The following HEATR5B variants were observed in gnomAD, a reference collection of about 807,000 sequenced individuals.
HEATR5B encodes HEAT repeat-containing protein 5B.
HEATR5B carries 156 observed loss-of-function variants against 224.1 expected under a neutral mutation model. That is an observed-to-expected ratio of 0.70 (90% CI 0.61 to 0.80). The LOEUF is 0.80. Among genes scored for constraint, HEATR5B ranks in the 30% least tolerant of loss-of-function variants. HEATR5B has a pLI of 0.00. For missense variants in HEATR5B, 2,323 were observed against 2,535.5 expected (o/e 0.92, Z 1.80); for synonymous variants, 1,027 against 893.0 (o/e 1.15, Z -2.68).
At chr2:36,992,492 G>C (rs1474102966) in intron 33 of HEATR5B, among the ~76,000 whole-genome samples, 1 of 151,560 alleles carries the variant, frequency 6.6e-6, no homozygotes, top group Non-Finnish European at 1.5e-5. Context: ...GAGGCAGGAG[G>C]ATCACTTTAG....
intron 18 of HEATR5B, among the ~76,000 whole-genome samples, chr2:37,048,441 T>C (rs1670337296): frequency 6.6e-6 from 1 of 151,786 alleles, no homozygotes; most frequent in South Asian, 2.1e-4. Flanking sequence ...CACCTCAGGC[T>C]CCCAAAGTGC....
intron 34 of HEATR5B, among the ~76,000 whole-genome samples, chr2:36,990,237 G>T (rs1209365194): frequency 6.6e-6 from 1 of 152,084 alleles, no homozygotes; most frequent in East Asian, 1.9e-4. Flanking sequence ...ACGTGTAGCA[G>T]GCTTGAGAAT....
chr2:37,018,426 C>T (rs1412039768), intron 26 of HEATR5B, among the ~76,000 whole-genome samples: 10 of 152,140 alleles, frequency 6.6e-5, no homozygotes, highest in Non-Finnish European at 7.3e-5. Context: ...ATTACCTAGT[C>T]GAAGGTTTGC....
At chr2:36,991,688 C>T (rs1468792549) in intron 33 of HEATR5B, among the ~76,000 whole-genome samples, 1 of 152,010 alleles carries the variant, frequency 6.6e-6, no homozygotes, top group Non-Finnish European at 1.5e-5. Flanking sequence ...AATACGAGTT[C>T]CAAACATTTT....
chr2:37,053,664 C>A, intron 16 of HEATR5B, 57 bp from the exon 17 acceptor site: 2 of 999,962 alleles, frequency 2.0e-6, no homozygotes, highest in South Asian at 2.9e-5. Flanking sequence ...CAATATGGCT[C>A]AAAAACGGAT....
Position 37,020,852 on chromosome 2 carries a change from G to A in HEATR5B, c.3854-16C>T, listed in dbSNP as rs577490031. 13 of 1,427,942 alleles carry A rather than the reference G, an allele frequency of 9.1e-6. No individual in the cohort carries two copies. In the East Asian group the frequency reaches 3.1e-4, roughly 34 times the overall value. The allele number at this position is 1,427,942 out of a possible 1,614,324, so 88.5% of individuals were successfully genotyped here. ...AAGAGGTCATCTAAAAATAAAAATAGAATGCAAAAATGAAAACTTTTCCAA... is the reference window on the plus strand; with the variant it reads ...AAGAGGTCATCTAAAAATAAAAATAAAATGCAAAAATGAAAACTTTTCCAA... On this transcript the variant is annotated splice_polypyrimidine_tract_variant and intron_variant, in intron 24 of 35. Coordinates refer to ENST00000233099, the MANE Select transcript of HEATR5B (RefSeq NM_019024.3).
chr2:36,981,158 C>A lies in HEATR5B; in HGVS notation c.*332G>T, dbSNP rs1164168274. On this transcript the variant is annotated 3_prime_UTR_variant, in exon 36 of 36. Coordinates refer to ENST00000233099, the MANE Select transcript of HEATR5B (RefSeq NM_019024.3). ...GCTGAGTTCTGACCCATTTTTTTCC[C>A]CTGACAGTATCAATAGGCTGCCCGA... is the stretch of plus-strand genomic sequence containing the variant. The A allele has an allele frequency of 5.4e-6, 1 of 186,068 alleles. No individual in the cohort carries two copies. The highest frequency in any genetic ancestry group is 1.1e-5 in the Non-Finnish European group (1 of 91,580). The allele number at this position is 186,068 out of a possible 1,614,324, so 11.5% of individuals were successfully genotyped here. A position where few individuals can be genotyped will look rare whatever the true frequency, so the allele number is the denominator to read the frequency against.
chr2:37,070,261 A>C lies in HEATR5B; in HGVS notation c.896T>G (p.Val299Gly). The C allele has an allele frequency of 3.7e-6, 6 of 1,614,054 alleles. No homozygotes were observed. The highest frequency in any genetic ancestry group is 4.2e-6 in the Non-Finnish European group (5 of 1,179,984). Residue 299 changes from valine (V) to glycine (G), a missense_variant, in exon 7 of 36, where the codon GTT becomes GGT. Transcript: ENST00000233099. ...AACTCCAACTCTCACTTCACGATTAACGGACCCTCCAACTTTTAACATTTC... is the reference window on the plus strand; with the variant it reads ...AACTCCAACTCTCACTTCACGATTACCGGACCCTCCAACTTTTAACATTTC... The part of the protein sequence containing the change: ...GGEMLKVGGS[V>G]NREVRVGVTQ...
intron 21 of HEATR5B, among the ~76,000 whole-genome samples, chr2:37,037,016 A>G: frequency 6.6e-6 from 1 of 151,436 alleles, no homozygotes; most frequent in Non-Finnish European, 1.5e-5. Context: ...ATGGCTCCTG[A>G]CATATAACAG....
intron 13 of HEATR5B, 122 bp from the exon 14 acceptor site, chr2:37,058,682 T>A: frequency 1.4e-6 from 1 of 730,998 alleles, no homozygotes; most frequent in Non-Finnish European, 2.3e-6. Context: ...TCATTTTAGC[T>A]TATGTTGTGA....
In HEATR5B at chr2:37,003,524, G is replaced by T; in HGVS notation, c.5050+18C>A. The stretch of plus-strand genomic sequence containing the variant: ...AAAATAAGATTTACTTCAAGTTAGT[G>T]TAATTTCTAGTGCTTACTTAGAGTG... On this transcript the variant is annotated intron_variant, in intron 31 of 35. Transcript: ENST00000233099. 4.5e-6 allele frequency: 7 copies of T among 1,540,860 alleles called. No homozygotes were observed. Among genetic ancestry groups the T allele is most frequent in the Non-Finnish European group, 6.2e-6 (7 of 1,128,202 alleles).
intron 18 of HEATR5B, among the ~76,000 whole-genome samples, chr2:37,043,349 C>T (rs535278532): frequency 1.3e-5 from 2 of 152,296 alleles, no homozygotes; most frequent in Non-Finnish European, 2.9e-5. Flanking sequence ...GAGCAAAGGT[C>T]ATGGCAAAAG....
chr2:37,043,642 T>G (rs144076608), intron 18 of HEATR5B, among the ~76,000 whole-genome samples: 1 of 152,338 alleles, frequency 6.6e-6, no homozygotes, highest in Admixed American at 6.5e-5. Flanking sequence ...GGTGCTCATT[T>G]TTCTTCAGTT....
chr2:37,076,866 C>G lies in HEATR5B; in HGVS notation c.447+45G>C, dbSNP rs537209406. ...AACATATTTTAGCTGACATCTAACT[C>G]TTGCCACAAGCAAATATTCAAATAA... On this transcript the variant is annotated intron_variant, in intron 4 of 35. Coordinates refer to ENST00000233099, the MANE Select transcript of HEATR5B (RefSeq NM_019024.3). 14 of 1,430,532 alleles carry G rather than the reference C, an allele frequency of 9.8e-6. 1 individual carries two copies. The highest frequency in any genetic ancestry group is 1.8e-4 in the Middle Eastern group (1 of 5,696). The allele number at this position is 1,430,532 out of a possible 1,614,324, so 88.6% of individuals were successfully genotyped here. A position where few individuals can be genotyped will look rare whatever the true frequency, so the allele number is the denominator to read the frequency against.
Position 37,000,611 on chromosome 2 carries a change from A to T in HEATR5B, c.5520T>A (p.Ala1840=), listed in dbSNP as rs746757673. 1.9e-6 allele frequency: 3 copies of T among 1,614,078 alleles called. No homozygotes were observed. In the South Asian group the frequency reaches 3.3e-5, roughly 18 times the overall value. Reference sequence around the variant, plus strand: ...CTGGTTGAGAATATTCCAGGATGCAAGCAAGCGTGCTACGAATCAGAGCTG... The same window carrying T: ...CTGGTTGAGAATATTCCAGGATGCATGCAAGCGTGCTACGAATCAGAGCTG... ...QWTALIRSTL[A]CILEYSQPED... Residue 1840 remains alanine (A), a synonymous_variant, in exon 33 of 36, where the codon GCT becomes GCA. Coordinates refer to ENST00000233099, the MANE Select transcript of HEATR5B (RefSeq NM_019024.3).
At chr2:36,981,945 TA>T (rs1411870315) in intron 35 of HEATR5B, 151 bp from the exon 36 acceptor site, 4 of 457,258 alleles carry the variant, frequency 8.7e-6, no homozygotes, top group African/African-American at 2.0e-5. Context: ...TAATTAATAT[TA>T]AATATTTACT....
At chr2:37,063,544 T>C (rs2706807) in intron 10 of HEATR5B, among the ~76,000 whole-genome samples, 16,307 of 151,914 alleles carry the variant, frequency 0.11, 1,579 homozygotes, top group African/African-American at 0.26. Context: ...GTGGGGAAGA[T>C]GGAAAGTCTG....
chr2:37,076,355 A>G (rs1467295327), intron 4 of HEATR5B, among the ~76,000 whole-genome samples: 1 of 152,246 alleles, frequency 6.6e-6, no homozygotes, highest in East Asian at 1.9e-4. Context: ...AATAATTTAG[A>G]CACAAAACAC....
In HEATR5B at chr2:37,032,651, C is replaced by A. The variant is rs758736294; in HGVS notation, c.3339G>T (p.Gly1113=). ...EYAMSLAKNT[G]DKESSSANVS... is the part of the protein sequence containing the mutation. ...TACTGGCACTACTGCTCTCTTTGTC[C>A]CCTGTATTTTTTGCCAGGCTCATGG... Residue 1113 remains glycine (G), a synonymous_variant, in exon 22 of 36, where the codon GGG becomes GGT. Coordinates refer to ENST00000233099, the MANE Select transcript of HEATR5B (RefSeq NM_019024.3). 3 of 1,613,514 alleles carry A rather than the reference C, an allele frequency of 1.9e-6. No homozygotes were observed. The South Asian group carries it at 3.3e-5, about 18-fold the overall frequency.
Sources: gnomAD v4.1 joint callset for allele counts (sites outside exome capture counted in the v4.1 genomes callset) on GRCh38, gnomAD v4.1.1 for gene constraint, MANE v1.5 for transcripts, NCBI Gene and HGNC (gene_info 2026-07-23, HGNC 2026-07-21) for gene names.